The following PDE11A variants were observed in gnomAD, a reference collection of about 807,000 sequenced individuals.
The protein encoded by PDE11A is phosphodiesterase 11A, also known as dual 3',5'-cyclic-AMP and -GMP phosphodiesterase 11A.
A neutral mutation model predicts 100.5 loss-of-function variants in PDE11A; 100 were observed. The ratio of observed to expected loss-of-function variants is 1.00; its 90% CI spans 0.85 to 1.18. The LOEUF is 1.18. Among genes scored for constraint, PDE11A ranks in the 50% most tolerant of loss-of-function variants. The pLI is 0.00. For missense variants in PDE11A, 1,141 were observed against 1,152.6 expected, an observed-to-expected ratio of 0.99 and a Z score of 0.15; for synonymous variants, 381 against 420.8, an observed-to-expected ratio of 0.91 and a Z score of 1.16.
At chr2:177,986,705 C>A (rs763498614) in intron 2 of PDE11A, among the ~76,000 whole-genome samples, 7 of 151,900 alleles carry the variant, frequency 4.6e-5, no homozygotes, top group Non-Finnish European at 7.4e-5. Context: ...GTGGCGGGCA[C>A]CTGTAATCCC....
At chr2:177,831,773 G>A (rs6433700) in intron 6 of PDE11A, among the ~76,000 whole-genome samples, 148,268 of 152,304 alleles carry the variant, frequency 0.97, 72,289 homozygotes, top group Middle Eastern at 1. Flanking sequence ...CAAAAACTAA[G>A]CCTCTATTAT....
chr2:178,084,809 T>C (rs1200057245), intron 2 of PDE11A, among the ~76,000 whole-genome samples: 1 of 151,982 alleles, frequency 6.6e-6, no homozygotes, highest in Non-Finnish European at 1.5e-5. Flanking sequence ...TGACAAACTA[T>C]TGTCATGTGA....
rs576005481 is a variant in PDE11A, at chr2:177,847,301, G to T, written c.1368-6918C>A. Among the ~76,000 whole-genome samples, 118 of 152,216 alleles carry T rather than the reference G, an allele frequency of 7.8e-4. 1 individual carries two copies. The highest frequency in any genetic ancestry group is 2.7e-3 in the African/African-American group (112 of 41,524). On this transcript the variant is annotated intron_variant, in intron 5 of 19. Transcript: ENST00000286063. ...ATAGTTCCCAATAGGTCTTATTTTT[G>T]ATAAGTTTTTGGAAGTTTAAATTAA...
intron 1 of PDE11A, among the ~76,000 whole-genome samples, chr2:178,057,090 G>A (rs2086909078): frequency 6.6e-6 from 1 of 152,164 alleles, no homozygotes; most frequent in Admixed American, 6.5e-5. Context: ...AGGGGACTCT[G>A]AAGCATGATA....
chr2:177,708,482 G>A (rs2081312647), intron 13 of PDE11A, among the ~76,000 whole-genome samples: 2 of 152,192 alleles, frequency 1.3e-5, no homozygotes, highest in Non-Finnish European at 2.9e-5. Context: ...GGGTCTGTTT[G>A]AGGCAGGAGG....
chr2:177,798,186 G>A (rs1227305822), intron 9 of PDE11A, among the ~76,000 whole-genome samples: 1 of 152,176 alleles, frequency 6.6e-6, no homozygotes, highest in Non-Finnish European at 1.5e-5. Context: ...ACTGCTACCT[G>A]TCACTCTGAA....
intron 9 of PDE11A, among the ~76,000 whole-genome samples, chr2:177,784,432 G>C (rs565891354): frequency 7.6e-4 from 115 of 152,138 alleles, no homozygotes; most frequent in Admixed American, 2.9e-3. Context: ...AACGGGAGAG[G>C]ATCCCTCAAT....
At chr2:177,967,689 C>T (rs2085716417) in intron 2 of PDE11A, among the ~76,000 whole-genome samples, 1 of 151,840 alleles carries the variant, frequency 6.6e-6, no homozygotes, top group African/African-American at 2.4e-5. Context: ...TACTGTCTCC[C>T]CAGGGCCCAT....
chr2:177,979,077 TAAAAAA>T (rs72020976), intron 2 of PDE11A, among the ~76,000 whole-genome samples: 2 of 113,030 alleles, frequency 1.8e-5, no homozygotes, highest in African/African-American at 3.2e-5. Context: ...TAGAGTATAA[TAAAAAA>T]AAAAAAAAAA....
At chr2:178,055,542 A>G (rs1202050388) in intron 1 of PDE11A, among the ~76,000 whole-genome samples, 1 of 152,216 alleles carries the variant, frequency 6.6e-6, no homozygotes, top group African/African-American at 2.4e-5. Flanking sequence ...TCAAAGTCAT[A>G]TTCAAATATT....
chr2:177,949,117 C>G (rs1279459329), intron 2 of PDE11A, among the ~76,000 whole-genome samples: 3 of 152,078 alleles, frequency 2.0e-5, no homozygotes, highest in Non-Finnish European at 2.9e-5. Context: ...AGGTGCCGTA[C>G]TCTTTAAGAA....
rs111459385 is a variant in PDE11A, at chr2:177,629,267, G to A, written c.*140C>T. On this transcript the variant is annotated 3_prime_UTR_variant, in exon 20 of 20. Coordinates refer to ENST00000286063, the MANE Select transcript of PDE11A (RefSeq NM_016953.4). ...TCTCTGCTGCTGACCATGCTTCAAG[G>A]TGAAAGCCCAGGCATGCTTCCCAGT... is the stretch of plus-strand genomic sequence containing the variant. 216 of 803,102 alleles carry A rather than the reference G, an allele frequency of 2.7e-4. 3 individuals carry two copies. The African/African-American group carries it at 3.0e-3, about 11-fold the overall frequency. The allele number at this position is 803,102 out of a possible 1,614,324, so 49.7% of individuals were successfully genotyped here.
chr2:177,982,289 A>G (rs987741925), intron 2 of PDE11A, among the ~76,000 whole-genome samples: 1 of 150,530 alleles, frequency 6.6e-6, no homozygotes, highest in African/African-American at 2.4e-5. Flanking sequence ...CTCCACTCTC[A>G]TCATGGAACT....
In PDE11A at chr2:178,014,344, A is replaced by C; in HGVS notation, c.1029T>G (p.Asn343Lys). 1 of 1,613,284 alleles carries C rather than the reference A, an allele frequency of 6.2e-7. No individual in the cohort carries two copies. Among genetic ancestry groups the C allele is most frequent in the Non-Finnish European group, 8.5e-7 (1 of 1,179,264 alleles). ...TAAATGGAGCTCCTTCAGGAATCTTATTTATCGCTTGGGCCACACCAATAA... is the reference window on the plus strand; with the variant it reads ...TAAATGGAGCTCCTTCAGGAATCTTCTTTATCGCTTGGGCCACACCAATAA... ...GEIIGVAQAINKIPEGAPFTE... is the reference protein window; with the variant it reads ...GEIIGVAQAIKKIPEGAPFTE... Residue 343 changes from asparagine (N) to lysine (K), a missense_variant, in exon 2 of 20, where the codon AAT (asparagine) becomes AAG (lysine). Coordinates refer to ENST00000286063, the MANE Select transcript of PDE11A (RefSeq NM_016953.4).
At chr2:178,106,957 CAAAAAA>C (rs575714643) in intron 1 of PDE11A, among the ~76,000 whole-genome samples, 1 of 61,148 alleles carries the variant, frequency 1.6e-5, no homozygotes, top group Non-Finnish European at 3.3e-5. Flanking sequence ...AAGACTCTCT[CAAAAAA>C]AAAAAAAAAA....
chr2:178,071,685 C>G lies in PDE11A; in HGVS notation c.753G>C (p.Lys251Asn). 6.2e-7 allele frequency: 1 copy of G among 1,613,822 alleles called. No homozygotes were observed. The highest frequency in any genetic ancestry group is 8.5e-7 in the Non-Finnish European group (1 of 1,179,744). Residue 251 changes from lysine (K) to asparagine (N), a missense_variant, in exon 1 of 20, where the codon AAG becomes AAC. Transcript: ENST00000286063. ...FLVEGAAAGKKTLVSKFFDVH... is the reference protein window; with the variant it reads ...FLVEGAAAGKNTLVSKFFDVH... ...CATCAAAGAATTTGGAGACCAAGGT[C>G]TTCTTGCCAGCAGCTGCCCCTTCCA... is the stretch of plus-strand genomic sequence containing the variant.
chr2:177,770,223 C>G (rs2105502968), intron 9 of PDE11A, among the ~76,000 whole-genome samples: 1 of 152,302 alleles, frequency 6.6e-6, no homozygotes, highest in East Asian at 1.9e-4. Flanking sequence ...AGTGTGTCTT[C>G]AACAGCAATC....
chr2:177,737,059 G>A (rs1007163056), intron 10 of PDE11A, among the ~76,000 whole-genome samples: 1 of 150,930 alleles, frequency 6.6e-6, no homozygotes, highest in African/African-American at 2.4e-5. Context: ...TGACAAAATG[G>A]AGAAACCCTG....
intron 10 of PDE11A, among the ~76,000 whole-genome samples, chr2:177,734,649 G>T (rs1352198937): frequency 6.6e-6 from 1 of 152,106 alleles, no homozygotes; most frequent in African/African-American, 2.4e-5. Flanking sequence ...TGGCTGAGTG[G>T]CAGTGGGCAA....
Sources: allele counts gnomAD v4.1 joint callset (sites outside exome capture counted in the v4.1 genomes callset), GRCh38; gene constraint gnomAD v4.1.1; transcripts MANE v1.5; gene names NCBI Gene and HGNC (gene_info 2026-07-23, HGNC 2026-07-21).